Variants in SOX5 observed in about 807,000 individuals in gnomAD.
SOX5 encodes the protein SRY-box transcription factor 5.
In SOX5, 9 loss-of-function variants were observed where a neutral mutation model predicts 92.0. That is an observed-to-expected ratio of 0.10 (90% CI 0.06 to 0.17). The LOEUF (loss-of-function observed/expected upper bound fraction) is 0.17, where lower values mean the gene tolerates loss of function less well. Among genes scored for constraint, SOX5 ranks in the 10% least tolerant of loss-of-function variants. The pLI is 1.00. For synonymous variants in SOX5, 344 were observed against 336.3 expected (o/e 1.02, Z -0.25); for missense variants, 642 against 944.5 (o/e 0.68, Z 4.20).
intron 1 of SOX5, among the ~76,000 whole-genome samples, chr12:24,476,513 C>T (rs1469012169): frequency 3.9e-5 from 6 of 152,098 alleles, no homozygotes; most frequent in Admixed American, 1.3e-4. Flanking sequence ...CTTTCAACAA[C>T]GAAAACTGTC....
intron 1 of SOX5, among the ~76,000 whole-genome samples, chr12:24,398,506 G>A (rs907295810): frequency 2.6e-5 from 4 of 152,044 alleles, no homozygotes; most frequent in South Asian, 2.1e-4. Context: ...CCTGTCCCCC[G>A]TCTAGAAAAA....
chr12:23,963,988 C>G (rs563997467), intron 4 of SOX5, among the ~76,000 whole-genome samples: 2 of 151,602 alleles, frequency 1.3e-5, no homozygotes, highest in South Asian at 4.2e-4. Flanking sequence ...ACCAACCAAC[C>G]AACCAAACAA....
intron 4 of SOX5, among the ~76,000 whole-genome samples, chr12:24,124,298 A>G (rs1565483536): frequency 6.6e-6 from 1 of 152,160 alleles, no homozygotes; most frequent in African/African-American, 2.4e-5. Flanking sequence ...ATCTGCATAG[A>G]AATTACTTGG....
At chr12:23,713,520 T>C (rs544398464) in intron 6 of SOX5, among the ~76,000 whole-genome samples, 1 of 152,160 alleles carries the variant, frequency 6.6e-6, no homozygotes, top group Non-Finnish European at 1.5e-5. Flanking sequence ...ACATCATTAA[T>C]TCAGCCCTAG....
intron 1 of SOX5, among the ~76,000 whole-genome samples, chr12:24,527,915 G>A (rs1440374739): frequency 1.3e-5 from 2 of 152,226 alleles, no homozygotes; most frequent in African/African-American, 4.8e-5. Context: ...TTTATGAAGA[G>A]TGAATGAAGT....
chr12:24,095,116 CACACACACACACAGAG>C (rs1297813914), intron 4 of SOX5, among the ~76,000 whole-genome samples: 17 of 94,870 alleles, frequency 1.8e-4, no homozygotes, highest in African/African-American at 4.8e-4. Flanking sequence ...CACACACACA[CACACACACACACAGAG>C]AGAGAGAGAG....
chr12:24,053,259 C>T (rs1957754662), intron 4 of SOX5, among the ~76,000 whole-genome samples: 1 of 150,432 alleles, frequency 6.6e-6, no homozygotes. Flanking sequence ...TCCCGAGTAG[C>T]TGGGATTACA....
intron 6 of SOX5, among the ~76,000 whole-genome samples, chr12:23,695,979 AAAAAC>A (rs1475334031): frequency 2.0e-5 from 3 of 150,518 alleles, no homozygotes; most frequent in Non-Finnish European, 3.0e-5. Context: ...GAACACAACA[AAAAAC>A]AAAACAAAAA....
At chr12:23,564,067 G>T (rs1378060481) in intron 10 of SOX5, among the ~76,000 whole-genome samples, 1 of 152,028 alleles carries the variant, frequency 6.6e-6, no homozygotes, top group Non-Finnish European at 1.5e-5. Context: ...AGAAATTGTG[G>T]CTACTCTTGA....
At chr12:24,145,305 C>T (rs976265004) in intron 4 of SOX5, among the ~76,000 whole-genome samples, 6 of 151,844 alleles carry the variant, frequency 4.0e-5, no homozygotes, top group African/African-American at 1.5e-4. Flanking sequence ...AAATAGAAAA[C>T]AAATGCAAGA....
At chr12:24,253,414 T>G (rs573831481) in intron 3 of SOX5, among the ~76,000 whole-genome samples, 1 of 151,716 alleles carries the variant, frequency 6.6e-6, no homozygotes, top group Non-Finnish European at 1.5e-5. Flanking sequence ...ATCTAGAAAA[T>G]CCAAAACTAG....
At chr12:24,042,697 A>C (rs770470631) in intron 4 of SOX5, among the ~76,000 whole-genome samples, 32 of 152,274 alleles carry the variant, frequency 2.1e-4, no homozygotes, top group Middle Eastern at 6.8e-3. Context: ...TGTTTTGGTC[A>C]AGATATTTTA....
At chr12:24,054,361 A>G (rs528020229) in intron 4 of SOX5, among the ~76,000 whole-genome samples, 2 of 152,286 alleles carry the variant, frequency 1.3e-5, no homozygotes, top group African/African-American at 4.8e-5. Context: ...TCTACTTATC[A>G]CTAAAGATCT....
intron 3 of SOX5, among the ~76,000 whole-genome samples, chr12:24,273,454 A>G (rs964183264): frequency 2.0e-5 from 3 of 152,118 alleles, no homozygotes; most frequent in Non-Finnish European, 1.5e-5. Context: ...CCATTCATCC[A>G]ACTCTTTATA....
At chr12:24,387,323 A>C (rs545357747) in intron 1 of SOX5, among the ~76,000 whole-genome samples, 1 of 152,162 alleles carries the variant, frequency 6.6e-6, no homozygotes, top group African/African-American at 2.4e-5. Context: ...GCCCAATACA[A>C]ATTTGCAAAC....
intron 4 of SOX5, among the ~76,000 whole-genome samples, chr12:24,164,414 T>C (rs560570827): frequency 6.6e-6 from 1 of 152,192 alleles, no homozygotes; most frequent in African/African-American, 2.4e-5. Flanking sequence ...CCTAGGCATG[T>C]AATATTCACT....
intron 1 of SOX5, among the ~76,000 whole-genome samples, chr12:24,436,743 G>C (rs1939504457): frequency 6.6e-6 from 1 of 152,184 alleles, no homozygotes; most frequent in South Asian, 2.1e-4. Context: ...TGCCATCTAG[G>C]ACTTTCACAG....
intron 4 of SOX5, among the ~76,000 whole-genome samples, chr12:24,003,521 T>C (rs1313549965): frequency 6.6e-6 from 1 of 151,878 alleles, no homozygotes; most frequent in Non-Finnish European, 1.5e-5. Context: ...CAATGAATAA[T>C]ATAAAAATGA....
chr12:23,627,349 A>G (rs551132537), intron 8 of SOX5, among the ~76,000 whole-genome samples: 45 of 152,292 alleles, frequency 3.0e-4, no homozygotes, highest in Middle Eastern at 3.4e-3. Flanking sequence ...TTCTGCTTGC[A>G]TTAAATATGA....
Sources: allele counts gnomAD v4.1 joint callset (sites outside exome capture counted in the v4.1 genomes callset), GRCh38; gene constraint gnomAD v4.1.1; transcripts MANE v1.5; gene names NCBI Gene and HGNC (gene_info 2026-07-23, HGNC 2026-07-21).